TMEM163: variants seen among roughly 807,000 people sequenced by gnomAD.
TMEM163 encodes transmembrane protein 163.
In TMEM163, 17 loss-of-function variants were observed where a neutral mutation model predicts 29.3. The ratio of observed to expected loss-of-function variants is 0.58; its 90% CI spans 0.40 to 0.87. The LOEUF (loss-of-function observed/expected upper bound fraction) is 0.87. TMEM163 is among the 40% of genes least tolerant of loss of function. The pLI is 0.00. For synonymous variants in TMEM163, 157 were observed against 160.6 expected, an observed-to-expected ratio of 0.98 and a Z score of 0.17; for missense variants, 303 against 381.5, an observed-to-expected ratio of 0.79 and a Z score of 1.71.
intron 4 of TMEM163, among the ~76,000 whole-genome samples, chr2:134,508,671 G>A (rs1161061341): frequency 6.6e-6 from 1 of 152,036 alleles, no homozygotes; most frequent in Non-Finnish European, 1.5e-5. Context: ...CACTATCAAT[G>A]CCTCTCTCCT....
At chr2:134,713,354 T>C (rs749411796) in intron 1 of TMEM163, 35 bp from the exon 2 acceptor site, 1 of 1,611,266 alleles carries the variant, frequency 6.2e-7, no homozygotes, top group South Asian at 1.1e-5. Flanking sequence ...AGTTAGACAT[T>C]TCCTTACTAA....
chr2:134,505,508 G>C (rs6430519), intron 4 of TMEM163, among the ~76,000 whole-genome samples: 1 of 151,790 alleles, frequency 6.6e-6, no homozygotes, highest in Non-Finnish European at 1.5e-5. Flanking sequence ...AGGGGGTCTC[G>C]TGGGACCTAA....
intron 2 of TMEM163, among the ~76,000 whole-genome samples, chr2:134,577,528 C>A (rs866769233): frequency 6.6e-6 from 1 of 152,104 alleles, no homozygotes; most frequent in Non-Finnish European, 1.5e-5. Flanking sequence ...GAGCCCTGCA[C>A]GAGGCGCTGA....
intron 2 of TMEM163, among the ~76,000 whole-genome samples, chr2:134,601,553 G>T (rs1337330567): frequency 1.3e-5 from 2 of 152,158 alleles, no homozygotes; most frequent in Non-Finnish European, 2.9e-5. Flanking sequence ...AATTCGGCAG[G>T]GCTGGACCAC....
chr2:134,548,236 T>A (rs1025881184), intron 4 of TMEM163, among the ~76,000 whole-genome samples: 14 of 152,102 alleles, frequency 9.2e-5, no homozygotes, highest in Non-Finnish European at 1.3e-4. Context: ...AAAAAAAAAA[T>A]TTAAGTTTAA....
At chr2:134,479,003 C>T (rs1686984233) in intron 5 of TMEM163, among the ~76,000 whole-genome samples, 2 of 152,092 alleles carry the variant, frequency 1.3e-5, no homozygotes, top group Admixed American at 6.6e-5. Context: ...TAAGAGAGAC[C>T]CCAAAGGACA....
At chr2:134,488,012 A>G (rs189569001) in intron 5 of TMEM163, among the ~76,000 whole-genome samples, 1 of 152,308 alleles carries the variant, frequency 6.6e-6, no homozygotes, top group African/African-American at 2.4e-5. Context: ...CATTTAAAAA[A>G]AAAAAAGACT....
chr2:134,636,228 G>C (rs1263006300), intron 2 of TMEM163, among the ~76,000 whole-genome samples: 4 of 152,182 alleles, frequency 2.6e-5, no homozygotes, highest in African/African-American at 4.8e-5. Context: ...CTGGGCTCAG[G>C]CTGGCTGGCA....
intron 2 of TMEM163, among the ~76,000 whole-genome samples, chr2:134,578,515 A>G (rs1281388836): frequency 6.6e-6 from 1 of 152,192 alleles, no homozygotes; most frequent in Non-Finnish European, 1.5e-5. Flanking sequence ...TAGCGTCTGT[A>G]TGTGTAATGT....
chr2:134,487,566 G>C (rs1679341587), intron 5 of TMEM163, among the ~76,000 whole-genome samples: 1 of 152,144 alleles, frequency 6.6e-6, no homozygotes, highest in African/African-American at 2.4e-5. Context: ...AATTCGTATG[G>C]AATATTACTA....
chr2:134,600,401 C>T (rs141699023), intron 2 of TMEM163, among the ~76,000 whole-genome samples: 119 of 152,300 alleles, frequency 7.8e-4, no homozygotes, highest in African/African-American at 2.2e-3. Context: ...GGGCCTATTA[C>T]GTAACACTTG....
At chr2:134,622,724 C>T (rs538117519) in intron 2 of TMEM163, among the ~76,000 whole-genome samples, 3 of 152,296 alleles carry the variant, frequency 2.0e-5, no homozygotes, top group African/African-American at 7.2e-5. Context: ...TGGATATTTT[C>T]ATTGAATTCA....
intron 5 of TMEM163, chr2:134,469,880 C>G (rs648440): frequency 0.17 from 26,018 of 152,428 alleles, 2,776 homozygotes; most frequent in South Asian, 0.31. Flanking sequence ...GCGCCTTTCT[C>G]TTTGCCCAGC....
chr2:134,565,603 G>C (rs1453181035), intron 2 of TMEM163, among the ~76,000 whole-genome samples: 1 of 148,564 alleles, frequency 6.7e-6, no homozygotes, highest in Non-Finnish European at 1.5e-5. Flanking sequence ...GCAAGACTCT[G>C]TCTCCAGAAA....
chr2:134,644,485 C>T (rs953105301), intron 2 of TMEM163, among the ~76,000 whole-genome samples: 4 of 151,978 alleles, frequency 2.6e-5, no homozygotes, highest in African/African-American at 7.2e-5. Context: ...GATACTAATG[C>T]GATTCAATTT....
At chr2:134,572,992 T>C (rs1681467752) in intron 2 of TMEM163, among the ~76,000 whole-genome samples, 1 of 152,210 alleles carries the variant, frequency 6.6e-6, no homozygotes, top group Admixed American at 6.5e-5. Context: ...CTGGGACATC[T>C]TGCCCCACAA....
intron 4 of TMEM163, among the ~76,000 whole-genome samples, chr2:134,510,092 G>A (rs563281850): frequency 6.6e-6 from 1 of 152,176 alleles, no homozygotes; most frequent in South Asian, 2.1e-4. Flanking sequence ...AAGATGGCAG[G>A]TGCATCACCC....
intron 5 of TMEM163, among the ~76,000 whole-genome samples, chr2:134,484,229 A>G (rs762529460): frequency 6.0e-5 from 9 of 150,866 alleles, no homozygotes; most frequent in African/African-American, 9.8e-5. Flanking sequence ...CGCGTGGAGG[A>G]AAAAAAAACA....
intron 6 of TMEM163, among the ~76,000 whole-genome samples, chr2:134,464,313 G>A (rs1302593844): frequency 6.6e-6 from 1 of 152,096 alleles, no homozygotes; most frequent in East Asian, 1.9e-4. Flanking sequence ...ACTTCAGTGT[G>A]CACCACATAG....
Sources: allele counts gnomAD v4.1 joint callset (sites outside exome capture counted in the v4.1 genomes callset), GRCh38; gene constraint gnomAD v4.1.1; transcripts MANE v1.5; gene names NCBI Gene and HGNC (gene_info 2026-07-23, HGNC 2026-07-21).